The following PLEKHA3 variants were observed in gnomAD, a reference collection of about 807,000 sequenced individuals.
The protein encoded by PLEKHA3 is pleckstrin homology domain containing A3, also known as pleckstrin homology domain-containing family A member 3.
Under a neutral mutation model 39.2 loss-of-function variants are expected in PLEKHA3, and 19 were observed. The ratio of observed to expected loss-of-function variants is 0.48; its 90% CI spans 0.34 to 0.71. PLEKHA3 has a LOEUF of 0.71. Among genes scored for constraint, PLEKHA3 ranks in the 30% least tolerant of loss-of-function variants. The pLI is 0.01. For synonymous variants in PLEKHA3, 97 were observed against 118.6 expected, an observed-to-expected ratio of 0.82 and a Z score of 1.18; for missense variants, 253 against 359.5, an observed-to-expected ratio of 0.70 and a Z score of 2.40.
rs1319493875 is a variant in PLEKHA3, at chr2:178,501,151, T to C, written c.750T>C (p.Ser250=). The change falls in exon 7 of 8, where the codon AGT becomes AGC. Residue 250 remains serine (S), a synonymous_variant. Transcript: ENST00000234453. The part of the protein sequence containing the change: ...RRTYSDTDSC[S]DIPLEDPDRP... ...CCTACTCAGATACAGATTCTTGTAGTGATATTCCTCTTGAAGACCCAGATA... is the reference window on the plus strand; with the variant it reads ...CCTACTCAGATACAGATTCTTGTAGCGATATTCCTCTTGAAGACCCAGATA... 5 of 1,612,810 alleles carry C rather than the reference T, an allele frequency of 3.1e-6. No homozygotes were observed. The highest frequency in any genetic ancestry group is 4.2e-6 in the Non-Finnish European group (5 of 1,179,188).
intron 3 of PLEKHA3, among the ~76,000 whole-genome samples, chr2:178,491,925 G>A (rs554302316): frequency 3.9e-5 from 6 of 152,152 alleles, no homozygotes; most frequent in East Asian, 3.9e-4. Flanking sequence ...ATAACAACCC[G>A]CTCTCATAGT....
At chr2:178,483,734 C>CA (rs1685208587) in intron 1 of PLEKHA3, among the ~76,000 whole-genome samples, 1 of 152,098 alleles carries the variant, frequency 6.6e-6, no homozygotes, top group East Asian at 1.9e-4. Context: ...CATGCATGAT[C>CA]AATACAATAT....
intron 7 of PLEKHA3, among the ~76,000 whole-genome samples, chr2:178,503,363 G>A (rs1336580028): frequency 6.6e-6 from 1 of 151,840 alleles, no homozygotes; most frequent in Non-Finnish European, 1.5e-5. Flanking sequence ...TCCTTTTATG[G>A]GTCTTGGTTT....
In PLEKHA3 at chr2:178,506,335, T is replaced by A. The variant is rs561094247; in HGVS notation, c.*2448T>A. 21 of 152,306 alleles carry A rather than the reference T, an allele frequency of 1.4e-4. No homozygotes were observed. The highest frequency in any genetic ancestry group is 3.4e-3 in the Middle Eastern group (1 of 294). 9.4% of individuals were successfully genotyped at this position (152,306 alleles called of 1,614,324 possible). A position where few individuals can be genotyped will look rare whatever the true frequency, so the allele number is the denominator to read the frequency against. On this transcript the variant is annotated 3_prime_UTR_variant, in exon 8 of 8. Coordinates refer to ENST00000234453, the MANE Select transcript of PLEKHA3 (RefSeq NM_019091.4). ...TTTCATTTCAAGTGCTTGCTCACTA[T>A]TCTTTGGGAATCGCAGGCCTCCATG...
At chr2:178,481,879 C>T (rs113304750) in intron 1 of PLEKHA3, 3 of 149,682 alleles carry the variant, frequency 2.0e-5, no homozygotes, top group African/African-American at 7.4e-5. Context: ...CAAATCATGA[C>T]TTGCTGCCCA....
chr2:178,500,923 T>G, intron 6 of PLEKHA3, 138 bp from the exon 7 acceptor site: 2 of 636,576 alleles, frequency 3.1e-6, no homozygotes, highest in Non-Finnish European at 5.6e-6. Context: ...GACTTCTGAG[T>G]AGAATGTTGC....
intron 3 of PLEKHA3, among the ~76,000 whole-genome samples, chr2:178,493,179 G>A (rs770704642): frequency 1.3e-5 from 2 of 152,154 alleles, no homozygotes; most frequent in Non-Finnish European, 2.9e-5. Context: ...GTGAGTGGCT[G>A]AGATTATGGC....
chr2:178,490,379 G>A (rs182197291), intron 2 of PLEKHA3, among the ~76,000 whole-genome samples: 1 of 152,178 alleles, frequency 6.6e-6, no homozygotes, highest in African/African-American at 2.4e-5. Context: ...GCCCCAAGGT[G>A]GGGGAGGGCT....
chr2:178,480,820 A>G lies in PLEKHA3; in HGVS notation c.-50A>G. The stretch of plus-strand genomic sequence containing the variant: ...CCCCAGGCCCTGCGCCTACCCCATC[A>G]CCGCGGCCGGCGCCGGGCCGGGAGG... On this transcript the variant is annotated 5_prime_UTR_variant, in exon 1 of 8. Transcript: ENST00000234453. The G allele has an allele frequency of 7.6e-7, 1 of 1,310,402 alleles. No individual in the cohort carries two copies. Among genetic ancestry groups the G allele is most frequent in the Non-Finnish European group, 9.8e-7 (1 of 1,019,904 alleles). The allele number at this position is 1,310,402 out of a possible 1,614,324, so 81.2% of individuals were successfully genotyped here. A position where few individuals can be genotyped will look rare whatever the true frequency, so the allele number is the denominator to read the frequency against.
rs200138699 is a variant in PLEKHA3 at position 178,493,997 on chromosome 2, G to C, written c.450+8G>C. The C allele has an allele frequency of 6.2e-7, 1 of 1,612,538 alleles. No homozygotes were observed. The highest frequency in any genetic ancestry group is 1.1e-5 in the South Asian group (1 of 90,640). On this transcript the variant is annotated splice_region_variant and intron_variant, in intron 4 of 7. Transcript: ENST00000234453. The stretch of plus-strand genomic sequence containing the variant: ...TCATCTCCTAGTGCAGAGGTAGAGC[G>C]AAGAGGATCTCTTCACGTGTGGTTA...
chr2:178,494,579 T>C (rs1254988163), intron 4 of PLEKHA3, among the ~76,000 whole-genome samples: 1 of 152,190 alleles, frequency 6.6e-6, no homozygotes, highest in Non-Finnish European at 1.5e-5. Context: ...CTATTTCTTC[T>C]GTGGCCTTCT....
In PLEKHA3 at chr2:178,504,788, T is replaced by C. The variant is rs1413683063; in HGVS notation, c.*901T>C. On this transcript the variant is annotated 3_prime_UTR_variant, in exon 8 of 8. Transcript: ENST00000234453. ...TCCAATATCTAGAGACATTTTTATT[T>C]ATGAATATTTATACAAAAAGGAATT... 3.9e-5 allele frequency: 6 copies of C among 152,406 alleles called. No individual in the cohort carries two copies. The highest frequency in any genetic ancestry group is 1.4e-4 in the African/African-American group (6 of 41,448). The allele number at this position is 152,406 out of a possible 1,614,324, so 9.4% of individuals were successfully genotyped here.
chr2:178,498,517 T>C (rs1411244896), intron 5 of PLEKHA3, among the ~76,000 whole-genome samples: 1 of 152,240 alleles, frequency 6.6e-6, no homozygotes, highest in Non-Finnish European at 1.5e-5. Context: ...TTTGAAATAA[T>C]CAGTTTTACT....
Position 178,507,672 on chromosome 2 carries a change from T to G in PLEKHA3, c.*3785T>G, listed in dbSNP as rs1685625411. On this transcript the variant is annotated 3_prime_UTR_variant, in exon 8 of 8. Transcript: ENST00000234453. ...TCTCACATTAGGTTTTTTTTTTTTT[T>G]TTTTTTTTTTTTTTTTTTTTTTGGC... is the stretch of plus-strand genomic sequence containing the variant. 1 of 107,688 alleles carries G rather than the reference T, an allele frequency of 9.3e-6. No individual in the cohort carries two copies. The highest frequency in any genetic ancestry group is 1.1e-4 in the Admixed American group (1 of 9,130). The allele number at this position is 107,688 out of a possible 1,614,324, so 6.7% of individuals were successfully genotyped here.
At chr2:178,494,151 G>A (rs780879982) in intron 4 of PLEKHA3, among the ~76,000 whole-genome samples, 162 bp downstream of exon 4, 2 of 152,114 alleles carry the variant, frequency 1.3e-5, no homozygotes, top group South Asian at 2.1e-4. Context: ...GCATCTTCTC[G>A]ATTGTGTCTG....
intron 1 of PLEKHA3, among the ~76,000 whole-genome samples, chr2:178,482,473 A>G (rs1418021428): frequency 6.7e-6 from 1 of 149,632 alleles, no homozygotes; most frequent in Non-Finnish European, 1.5e-5. Context: ...AGAGAAATGG[A>G]GGCTGCAGTG....
At position 178,480,810 on chromosome 2, in the gene PLEKHA3, CT is replaced by C. The variant is rs1208053958; in HGVS notation, c.-59del. On this transcript the variant is annotated 5_prime_UTR_variant, in exon 1 of 8. Coordinates refer to ENST00000234453, the MANE Select transcript of PLEKHA3 (RefSeq NM_019091.4). ...GGAGGGGCTGCCCCAGGCCCTGCGC[CT>C]ACCCCATCACCGCGGCCGGCGCCGG... is the stretch of plus-strand genomic sequence containing the variant. 7.7e-7 allele frequency: 1 copy of C among 1,302,372 alleles called. No homozygotes were observed. Among genetic ancestry groups the C allele is most frequent in the East Asian group, 2.8e-5 (1 of 35,442 alleles). The allele number at this position is 1,302,372 out of a possible 1,614,324, so 80.7% of individuals were successfully genotyped here.
In PLEKHA3 at chr2:178,504,589, A is replaced by C. The variant is rs1685577312; in HGVS notation, c.*702A>C. On this transcript the variant is annotated 3_prime_UTR_variant, in exon 8 of 8. Transcript: ENST00000234453. ...TAACTTTTGTGACCTACCAAATTTA[A>C]GATGTGTATACGTTGTTCTTTACGT... is the stretch of plus-strand genomic sequence containing the variant. 1 of 152,342 alleles carries C rather than the reference A, an allele frequency of 6.6e-6. No homozygotes were observed. The highest frequency in any genetic ancestry group is 1.5e-5 in the Non-Finnish European group (1 of 67,880). 9.4% of individuals were successfully genotyped at this position (152,342 alleles called of 1,614,324 possible).
At chr2:178,494,074 AT>A in intron 4 of PLEKHA3, 85 bp downstream of exon 4, 1 of 1,441,144 alleles carries the variant, frequency 6.9e-7, no homozygotes, top group Non-Finnish European at 9.4e-7. Context: ...GATGACAGGC[AT>A]TTTCACATTG....
Sources: gnomAD v4.1 joint callset for allele counts (sites outside exome capture counted in the v4.1 genomes callset) on GRCh38, gnomAD v4.1.1 for gene constraint, MANE v1.5 for transcripts, NCBI Gene and HGNC (gene_info 2026-07-23, HGNC 2026-07-21) for gene names.